NRXN2: variants seen among roughly 807,000 people sequenced by gnomAD.
NRXN2 encodes the protein neurexin-2-beta.
In NRXN2, 29 loss-of-function variants were observed where a neutral mutation model predicts 128.8. That is an observed-to-expected ratio of 0.23 (90% CI 0.17 to 0.31). The LOEUF (loss-of-function observed/expected upper bound fraction) is 0.31, where lower values mean the gene tolerates loss of function less well. Among genes scored for constraint, NRXN2 ranks in the 10% least tolerant of loss-of-function variants. NRXN2 has a pLI of 1.00. For missense variants in NRXN2, 1,881 were observed against 2,452.6 expected (o/e 0.77, Z 4.92); for synonymous variants, 1,098 against 1,075.2 (o/e 1.02, Z -0.41).
chr11:64,608,002 G>T lies in NRXN2; in HGVS notation c.4333C>A (p.Pro1445Thr). 6.5e-7 allele frequency: 1 copy of T among 1,530,726 alleles called. No individual in the cohort carries two copies. Among genetic ancestry groups the T allele is most frequent in the Non-Finnish European group, 8.8e-7 (1 of 1,133,656 alleles). The allele number at this position is 1,530,726 out of a possible 1,614,324, so 94.8% of individuals were successfully genotyped here. A position where few individuals can be genotyped will look rare whatever the true frequency, so the allele number is the denominator to read the frequency against. The change falls in exon 23 of 23, where the codon CCG (proline) becomes ACG (threonine). Residue 1445 changes from proline (P) to threonine (T), a missense_variant. Physicochemically the swap from Pro to Thr is conservative, Grantham distance 38 (BLOSUM62 -1). Transcript: ENST00000265459. ...AGGAAGGGGTAGAAGGTAGGGGGCG[G>T]GGGCACGAAGGGGGATCGGGTGGCC... is the stretch of plus-strand genomic sequence containing the variant. ...PVATRSPFVPPPPTFYPFLTG... is the reference protein window; with the variant it reads ...PVATRSPFVPTPPTFYPFLTG...
intron 12 of NRXN2, among the ~76,000 whole-genome samples, chr11:64,652,381 ACCCC>A (rs2047592758): frequency 6.6e-6 from 1 of 151,850 alleles, no homozygotes; most frequent in Admixed American, 6.6e-5. Flanking sequence ...GAGCTTTTAT[ACCCC>A]AGTCATACAT....
intron 6 of NRXN2, among the ~76,000 whole-genome samples, chr11:64,677,550 C>G (rs953762942): frequency 6.6e-6 from 1 of 152,158 alleles, no homozygotes; most frequent in East Asian, 1.9e-4. Context: ...ATCCCTTGGT[C>G]CCCTGGGTTA....
intron 22 of NRXN2, among the ~76,000 whole-genome samples, chr11:64,611,906 C>A (rs554010405): frequency 6.6e-6 from 1 of 151,744 alleles, no homozygotes; most frequent in East Asian, 1.9e-4. Context: ...CACACCCCCC[C>A]ACACTGCCAT....
chr11:64,653,768 G>A (rs1828203625), intron 11 of NRXN2, 46 bp from the exon 12 acceptor site: 1 of 1,420,566 alleles, frequency 7.0e-7, no homozygotes, highest in South Asian at 1.3e-5. Flanking sequence ...AGACAAAAAG[G>A]TAAAACAAGT....
chr11:64,643,557 G>T (rs2046127681), intron 17 of NRXN2: 1 of 132,452 alleles, frequency 7.5e-6, no homozygotes, highest in African/African-American at 2.7e-5. Flanking sequence ...GAGAGGGAGG[G>T]AGGGAGAGAG....
At position 64,667,359 on chromosome 11, in the gene NRXN2, G is replaced by C. The variant is rs781616745; in HGVS notation, c.1689C>G (p.Leu563=). 1.2e-6 allele frequency: 2 copies of C among 1,614,218 alleles called. No individual in the cohort carries two copies. The highest frequency in any genetic ancestry group is 1.1e-5 in the South Asian group (1 of 91,086). The stretch of plus-strand genomic sequence containing the variant: ...CAGATCCCATGTCCAGCAGAAGATA[G>C]AGGTGGCCGTCCAATAGCTCCATGG... ...YFAMELLDGH[L]YLLLDMGSGG... The change falls in exon 9 of 23, where the codon CTC becomes CTG. Residue 563 remains leucine (L), a synonymous_variant. Transcript: ENST00000265459. The surrounding 1 kb of genome is among the most constrained non-coding windows in gnomAD (Gnocchi z 5.6).
At chr11:64,629,156 G>T (rs2043503359) in intron 19 of NRXN2, among the ~76,000 whole-genome samples, 3 of 152,164 alleles carry the variant, frequency 2.0e-5, no homozygotes, top group African/African-American at 7.2e-5. Context: ...CAGTCAGCAT[G>T]GGGCAGCTTC....
chr11:64,694,706 A>G (rs1396581902), intron 3 of NRXN2, among the ~76,000 whole-genome samples: 1 of 151,954 alleles, frequency 6.6e-6, no homozygotes, highest in Admixed American at 6.6e-5. Context: ...TCTGCCACCA[A>G]CCCTTTCCCC....
Position 64,670,436 on chromosome 11 carries a change from G to A in NRXN2, c.1198-1832C>T, listed in dbSNP as rs575820461. On this transcript the variant is annotated intron_variant, in intron 7 of 22. Coordinates refer to ENST00000265459, the MANE Select transcript of NRXN2 (RefSeq NM_015080.4). ...GAGAAGGGCTGGAGAAAGGGAAGAA[G>A]GAACTGGGATGAAAGGTCAGGGATA... Among the ~76,000 whole-genome samples, 6 of 152,258 alleles carry A rather than the reference G, an allele frequency of 3.9e-5. No individual in the cohort carries two copies. In the East Asian group the frequency reaches 9.7e-4, roughly 25 times the overall value.
Position 64,660,869 on chromosome 11 carries a change from G to A in NRXN2, c.2069C>T (p.Thr690Met), listed in dbSNP as rs776858969. ...GGGGGCAGATGCACACTGCTTCAGC[G>A]TCTCCCGGGAGCAAAAGGGGGCAAC... ...VGVAPFCSRE[T>M]LKQCASAPCR... Residue 690 changes from threonine (T) to methionine (M), a missense_variant, in exon 10 of 23, where the codon ACG (threonine) becomes ATG (methionine). Thr to Met is a moderately conservative substitution (Grantham distance 81). This residue lies in a region of NRXN2 where 997 missense variants were observed against 1,240.8 expected (regional missense o/e 0.80). Transcript: ENST00000265459. The surrounding 1 kb of genome is among the most constrained non-coding windows in gnomAD (Gnocchi z 5.2). 72 of 1,613,676 alleles carry A rather than the reference G, an allele frequency of 4.5e-5. No individual in the cohort carries two copies. Among genetic ancestry groups the A allele is most frequent in the Non-Finnish European group, 5.1e-5 (60 of 1,179,836 alleles).
chr11:64,607,718 C>T lies in NRXN2; in HGVS notation c.4617G>A (p.Arg1539=), dbSNP rs764629847. Residue 1539 remains arginine, a synonymous_variant, in exon 23 of 23, where the codon AGG becomes AGA. Coordinates refer to ENST00000265459, the MANE Select transcript of NRXN2 (RefSeq NM_015080.4). The part of the protein sequence containing the change: ...PRKPAPRPNL[R]TDGATGAPGV... ...CAGGGGCGCCCGTGGCCCCATCTGTCCTGAGGTTGGGCCGGGGAGCGGGTT... is the reference window on the plus strand; with the variant it reads ...CAGGGGCGCCCGTGGCCCCATCTGTTCTGAGGTTGGGCCGGGGAGCGGGTT... 1 of 1,561,204 alleles carries T rather than the reference C, an allele frequency of 6.4e-7. No homozygotes were observed. The highest frequency in any genetic ancestry group is 8.7e-7 in the Non-Finnish European group (1 of 1,152,918).
At position 64,648,690 on chromosome 11, in the gene NRXN2, T is replaced by C. The variant is rs530934602; in HGVS notation, c.3283+44A>G. ...GGTCTGCCTCTGCAGCTGGCCATCCTGTAGCCAGTAGGGCCACACCTCACT... is the reference window on the plus strand; with the variant it reads ...GGTCTGCCTCTGCAGCTGGCCATCCCGTAGCCAGTAGGGCCACACCTCACT... On this transcript the variant is annotated intron_variant, in intron 16 of 22. Coordinates refer to ENST00000265459, the MANE Select transcript of NRXN2 (RefSeq NM_015080.4). This position sits in a 1 kb window ranked among gnomAD's most constrained non-coding sequence, Gnocchi z 4.1. The C allele has an allele frequency of 2.7e-5, 44 of 1,611,010 alleles. No homozygotes were observed. Among genetic ancestry groups the C allele is most frequent in the Middle Eastern group, 2.2e-4 (1 of 4,638 alleles).
chr11:64,653,592 C>A, intron 12 of NRXN2, 104 bp downstream of exon 12: 2 of 1,167,204 alleles, frequency 1.7e-6, no homozygotes, highest in Non-Finnish European at 2.5e-6. Context: ...CCCATTCGAG[C>A]CAGCAATCAC....
chr11:64,684,091 TC>T (rs1307887357), intron 6 of NRXN2, among the ~76,000 whole-genome samples: 1 of 152,120 alleles, frequency 6.6e-6, no homozygotes, highest in South Asian at 2.1e-4. Flanking sequence ...TGTCTTTTTT[TC>T]CCCCTCTGTT....
chr11:64,615,334 A>G (rs7947416), intron 22 of NRXN2, among the ~76,000 whole-genome samples: 2,660 of 152,382 alleles, frequency 0.017, 63 homozygotes, highest in African/African-American at 0.059. Flanking sequence ...AACTTACATG[A>G]ATGAGAAATA....
At chr11:64,608,239 C>CCTTTAA (rs2040024356) in intron 22 of NRXN2, among the ~76,000 whole-genome samples, 157 bp from the exon 23 acceptor site, 1 of 152,210 alleles carries the variant, frequency 6.6e-6, no homozygotes, top group Non-Finnish European at 1.5e-5. Flanking sequence ...GCCAGCCGGC[C>CCTTTAA]GAGCACTGCG....
In NRXN2 at chr11:64,635,337, C is replaced by CT; in HGVS notation, c.3518dup (p.Arg1174AlafsTer32). ...CCACCCGCACCAGCACAGCGCTCCGCTGGTGGGTGCTGAAGCCCACGGCCA... is the reference window on the plus strand; with the variant it reads ...CCACCCGCACCAGCACAGCGCTCCGCTTGGTGGGTGCTGAAGCCCACGGCCA... On this transcript the variant is annotated frameshift_variant, in exon 18 of 23. Coordinates refer to ENST00000265459, the MANE Select transcript of NRXN2 (RefSeq NM_015080.4). LOFTEE classifies it high-confidence loss of function. This position sits in a 1 kb window ranked among gnomAD's most constrained non-coding sequence, Gnocchi z 4.8. 6.2e-7 allele frequency: 1 copy of CT among 1,613,580 alleles called. No homozygotes were observed. Among genetic ancestry groups the CT allele is most frequent in the Non-Finnish European group, 8.5e-7 (1 of 1,180,018 alleles).
intron 22 of NRXN2, 108 bp from the exon 23 acceptor site, chr11:64,608,190 A>C: frequency 1.1e-6 from 1 of 880,356 alleles, no homozygotes; most frequent in Non-Finnish European, 1.8e-6. Context: ...ATCGGTTCCA[A>C]TTGGCTTTGG....
At chr11:64,672,984 C>CT (rs1214961817) in intron 7 of NRXN2, among the ~76,000 whole-genome samples, 1 of 152,190 alleles carries the variant, frequency 6.6e-6, no homozygotes, top group African/African-American at 2.4e-5. Flanking sequence ...CATTTTACCT[C>CT]TGACTCTCAT....
Sources: gnomAD v4.1 joint callset for allele counts (sites outside exome capture counted in the v4.1 genomes callset) on GRCh38, gnomAD v4.1.1 for gene constraint, gnomAD v4.1.1 regional missense constraint, Gnocchi (gnomAD v3.1) non-coding constraint, MANE v1.5 for transcripts, NCBI Gene and HGNC (gene_info 2026-07-23, HGNC 2026-07-21) for gene names.